Variants in FAM171B observed in about 807,000 individuals in gnomAD.
FAM171B encodes the protein protein FAM171B.
FAM171B carries 19 observed loss-of-function variants against 75.6 expected under a neutral mutation model. That is an observed-to-expected ratio of 0.25 (90% confidence interval 0.18 to 0.37). FAM171B has a LOEUF of 0.37. Among genes scored for constraint, FAM171B ranks in the 10% least tolerant of loss-of-function variants. The pLI, the probability that FAM171B is intolerant of heterozygous loss-of-function variation, is 1.00. For synonymous variants in FAM171B, 367 were observed against 361.7 expected, an observed-to-expected ratio of 1.01 and a Z score of -0.17; for missense variants, 848 against 982.4, an observed-to-expected ratio of 0.86 and a Z score of 1.83.
chr2:186,703,616 G>T (rs937803733), intron 1 of FAM171B, among the ~76,000 whole-genome samples: 4 of 152,148 alleles, frequency 2.6e-5, no homozygotes, highest in African/African-American at 9.7e-5. Context: ...AGGAGTTAGC[G>T]ACAGCAGATG....
At chr2:186,733,966 G>T (rs1358279051) in intron 1 of FAM171B, among the ~76,000 whole-genome samples, 3 of 152,170 alleles carry the variant, frequency 2.0e-5, no homozygotes, top group Non-Finnish European at 4.4e-5. Flanking sequence ...AATGTGGTGA[G>T]TAGAGGGGCA....
intron 1 of FAM171B, among the ~76,000 whole-genome samples, chr2:186,737,728 ATCT>A (rs1277601029): frequency 2.0e-5 from 3 of 152,376 alleles, no homozygotes; most frequent in African/African-American, 7.2e-5. Flanking sequence ...ACTGAAAAAC[ATCT>A]TCTGCTTTCC....
rs996586390 is a variant in FAM171B at position 186,765,688 on chromosome 2, A to G, written c.*2865A>G. 1.0e-4 allele frequency: 2 copies of G among 19,152 alleles called. No individual in the cohort carries two copies. Among genetic ancestry groups the G allele is most frequent in the African/African-American group, 1.3e-4 (2 of 14,874 alleles). 1.2% of individuals were successfully genotyped at this position (19,152 alleles called of 1,614,324 possible). A position where few individuals can be genotyped will look rare whatever the true frequency, so the allele number is the denominator to read the frequency against. On this transcript the variant is annotated 3_prime_UTR_variant, in exon 8 of 8. Coordinates refer to ENST00000304698, the MANE Select transcript of FAM171B (RefSeq NM_177454.4). ...AAAAAGGTGAAGCTCAAAGTCACACATTCTTATAAGGCGCATGAGTTTCTC... is the reference window on the plus strand; with the variant it reads ...AAAAAGGTGAAGCTCAAAGTCACACGTTCTTATAAGGCGCATGAGTTTCTC...
chr2:186,762,159 T>C lies in FAM171B; in HGVS notation c.1817T>C (p.Ile606Thr). 6.2e-7 allele frequency: 1 copy of C among 1,613,628 alleles called. No individual in the cohort carries two copies. Among genetic ancestry groups the C allele is most frequent in the Non-Finnish European group, 8.5e-7 (1 of 1,179,772 alleles). The change falls in exon 8 of 8, where the codon ATA (isoleucine) becomes ACA (threonine). Residue 606 changes from isoleucine to threonine, a missense_variant. Coordinates refer to ENST00000304698, the MANE Select transcript of FAM171B (RefSeq NM_177454.4). The surrounding 1 kb of genome is among the most constrained non-coding windows in gnomAD (Gnocchi z 4.0). ...QPPDAREEDI[I>T]LEGQQSLPSQ... ...CCAGATGCCAGGGAAGAGGATATCA[T>C]ACTTGAAGGTCAACAGAGCCTGCCA...
intron 1 of FAM171B, among the ~76,000 whole-genome samples, chr2:186,709,071 A>C (rs1360093973): frequency 6.6e-6 from 1 of 152,146 alleles, no homozygotes; most frequent in African/African-American, 2.4e-5. Context: ...GAGCAGGCTC[A>C]TCACACAGAG....
intron 1 of FAM171B, among the ~76,000 whole-genome samples, chr2:186,694,916 T>G (rs2105767683): frequency 6.6e-6 from 1 of 152,278 alleles, no homozygotes; most frequent in East Asian, 1.9e-4. Context: ...ATATTTAAAT[T>G]TAGCCATGAA....
intron 3 of FAM171B, among the ~76,000 whole-genome samples, chr2:186,745,085 C>T (rs538336405): frequency 6.6e-6 from 1 of 152,314 alleles, no homozygotes; most frequent in Admixed American, 6.5e-5. Context: ...CCATCTCAGC[C>T]TCCCAAAGTG....
chr2:186,743,253 TTAGTAAAATAAA>T (rs761490939), intron 2 of FAM171B, among the ~76,000 whole-genome samples: 3 of 152,184 alleles, frequency 2.0e-5, no homozygotes, highest in Non-Finnish European at 4.4e-5. Flanking sequence ...ATAGAAAAGA[TTAGTAAAATAAA>T]TAGTGATAAC....
chr2:186,703,461 C>G (rs779654098), intron 1 of FAM171B, among the ~76,000 whole-genome samples: 1 of 152,138 alleles, frequency 6.6e-6, no homozygotes, highest in Non-Finnish European at 1.5e-5. Context: ...TATCCTTTGT[C>G]CTTTCTGAAA....
intron 1 of FAM171B, among the ~76,000 whole-genome samples, chr2:186,739,556 A>T (rs1036226305): frequency 6.6e-6 from 1 of 152,118 alleles, no homozygotes; most frequent in South Asian, 2.1e-4. Context: ...CCAGGCCTAC[A>T]CAGGGCAGGA....
rs1371132261 is a variant in FAM171B at position 186,699,537 on chromosome 2, C to T, written c.238+5126C>T. On this transcript the variant is annotated intron_variant, in intron 1 of 7. Coordinates refer to ENST00000304698, the MANE Select transcript of FAM171B (RefSeq NM_177454.4). Reference sequence around the variant, plus strand: ...TATATTCTGGTTATTAATCCCTTGTCAGATGGATAGTTGGCAGATACTTTC... The same window carrying T: ...TATATTCTGGTTATTAATCCCTTGTTAGATGGATAGTTGGCAGATACTTTC... Among the ~76,000 whole-genome samples, 6 of 152,116 alleles carry T rather than the reference C, an allele frequency of 3.9e-5. No homozygotes were observed. In the South Asian group the frequency reaches 1.0e-3, roughly 26 times the overall value.
intron 1 of FAM171B, among the ~76,000 whole-genome samples, chr2:186,723,500 G>T (rs578224792): frequency 2.0e-5 from 3 of 151,404 alleles, no homozygotes; most frequent in Middle Eastern, 3.4e-3. Flanking sequence ...CATTTTTATT[G>T]CCAACTTCAA....
intron 1 of FAM171B, among the ~76,000 whole-genome samples, chr2:186,717,540 A>C (rs1689890998): frequency 6.6e-6 from 1 of 152,164 alleles, no homozygotes; most frequent in Non-Finnish European, 1.5e-5. Context: ...ACTGTAATGG[A>C]TGCTTCTGAT....
Position 186,736,645 on chromosome 2 carries a change from C to CTT in FAM171B, c.239-3558_239-3557dup, listed in dbSNP as rs71396886. ...TTTTAGACTCTGGAAGGGATCAGAG[C>CTT]TTTTTTTTTTTTTTTTTTTTTTTTT... is the stretch of plus-strand genomic sequence containing the variant. On this transcript the variant is annotated intron_variant, in intron 1 of 7. Transcript: ENST00000304698. Among the ~76,000 whole-genome samples the CTT allele has an allele frequency of 1.9e-3, 96 of 50,228 alleles. 4 individuals carry two copies. The highest frequency in any genetic ancestry group is 0.011 in the East Asian group (15 of 1,356). 33.0% of individuals were successfully genotyped at this position (50,228 alleles called of 152,430 possible). A position where few individuals can be genotyped will look rare whatever the true frequency, so the allele number is the denominator to read the frequency against.
intron 1 of FAM171B, among the ~76,000 whole-genome samples, chr2:186,695,845 A>G (rs532275760): frequency 2.6e-5 from 4 of 152,340 alleles, no homozygotes; most frequent in East Asian, 1.9e-4. Flanking sequence ...GAAATTGGAT[A>G]TATCAGATTG....
chr2:186,704,385 G>A (rs911964984), intron 1 of FAM171B, among the ~76,000 whole-genome samples: 1 of 151,972 alleles, frequency 6.6e-6, no homozygotes, highest in African/African-American at 2.4e-5. Context: ...TAATATCTAT[G>A]CTTTATAATA....
intron 1 of FAM171B, among the ~76,000 whole-genome samples, chr2:186,710,097 C>G (rs1689789496): frequency 6.6e-6 from 1 of 152,126 alleles, no homozygotes; most frequent in Non-Finnish European, 1.5e-5. Flanking sequence ...GAAGTTTGTT[C>G]TTATCACATA....
At chr2:186,737,339 A>C (rs1465255229) in intron 1 of FAM171B, among the ~76,000 whole-genome samples, 1 of 152,184 alleles carries the variant, frequency 6.6e-6, no homozygotes, top group African/African-American at 2.4e-5. Flanking sequence ...CATTTTCCTC[A>C]ACATATGTTA....
At chr2:186,736,016 C>T (rs1229890494) in intron 1 of FAM171B, among the ~76,000 whole-genome samples, 1 of 152,152 alleles carries the variant, frequency 6.6e-6, no homozygotes. Context: ...TGTGGATAAA[C>T]TTTACTTATC....
Sources: allele counts gnomAD v4.1 joint callset (sites outside exome capture counted in the v4.1 genomes callset), GRCh38; gene constraint gnomAD v4.1.1; non-coding constraint Gnocchi (gnomAD v3.1); transcripts MANE v1.5; gene names NCBI Gene and HGNC (gene_info 2026-07-23, HGNC 2026-07-21).